Variants in GNAL observed in about 807,000 individuals in gnomAD.
GNAL encodes guanine nucleotide-binding protein G(olf) subunit alpha.
A neutral mutation model predicts 55.1 loss-of-function variants in GNAL; 18 were observed. The ratio of observed to expected loss-of-function variants is 0.33; its 90% CI spans 0.23 to 0.48. GNAL has a LOEUF of 0.48. GNAL is among the 20% of genes least tolerant of loss of function. The probability of loss-of-function intolerance (pLI) is 0.99; values close to 1 mark genes in which losing one functional copy is unlikely to be tolerated. For synonymous variants in GNAL, 253 were observed against 237.0 expected (o/e 1.07, Z -0.62); for missense variants, 412 against 614.1 (o/e 0.67, Z 3.48).
intron 9 of GNAL, among the ~76,000 whole-genome samples, chr18:11,870,526 G>C (rs964112855): frequency 6.7e-6 from 1 of 150,218 alleles, no homozygotes. Flanking sequence ...GTCTCAAAAA[G>C]TAAAAAAAAA....
chr18:11,837,112 C>T (rs987253222), intron 5 of GNAL, among the ~76,000 whole-genome samples: 7 of 152,052 alleles, frequency 4.6e-5, no homozygotes, highest in African/African-American at 1.7e-4. Context: ...TGCCACCACG[C>T]CCAGTTAATT....
intron 4 of GNAL, among the ~76,000 whole-genome samples, chr18:11,821,985 G>A (rs548678606): frequency 7.8e-4 from 119 of 152,376 alleles, no homozygotes; most frequent in African/African-American, 2.7e-3. Context: ...CCGTTTCACG[G>A]GTGCTAAGTA....
At position 11,885,506 on chromosome 18, in the gene GNAL, TC is replaced by T. The variant is rs2037072507; in HGVS notation, c.*4374del. ...GCCCAGGAATGTCATGCTGATTGGT[TC>T]CCGGAAGGGTGTTTGGCAAGGGGCA... On this transcript the variant is annotated 3_prime_UTR_variant, in exon 12 of 12. Coordinates refer to ENST00000334049, the MANE Select transcript of GNAL (RefSeq NM_182978.4). 1.3e-6 allele frequency: 1 copy of T among 748,824 alleles called. No individual in the cohort carries two copies. The highest frequency in any genetic ancestry group is 2.8e-5 in the East Asian group (1 of 35,970). 46.4% of individuals were successfully genotyped at this position (748,824 alleles called of 1,614,324 possible).
chr18:11,696,140 C>T (rs1429639014), intron 1 of GNAL, among the ~76,000 whole-genome samples: 1 of 152,124 alleles, frequency 6.6e-6, no homozygotes, highest in South Asian at 2.1e-4. Context: ...CCTGTGGCAC[C>T]GTGGCTTTCA....
rs1331401308 is a variant in GNAL, at chr18:11,881,796, A to C, written c.*661A>C. ...CTAAACTTTCCCTATACTTAGGCAT[A>C]GTCTTCTTTCTTAGATTCTCTTTGT... On this transcript the variant is annotated 3_prime_UTR_variant, in exon 12 of 12. Coordinates refer to ENST00000334049, the MANE Select transcript of GNAL (RefSeq NM_182978.4). The surrounding 1 kb of genome is among the most constrained non-coding windows in gnomAD (Gnocchi z 4.8). The C allele has an allele frequency of 6.6e-6, 1 of 152,534 alleles. No individual in the cohort carries two copies. The highest frequency in any genetic ancestry group is 6.5e-5 in the Admixed American group (1 of 15,290). The allele number at this position is 152,534 out of a possible 1,614,324, so 9.4% of individuals were successfully genotyped here. A position where few individuals can be genotyped will look rare whatever the true frequency, so the allele number is the denominator to read the frequency against.
At position 11,883,891 on chromosome 18, in the gene GNAL, A is replaced by G. The variant is rs2036807439; in HGVS notation, c.*2756A>G. The G allele has an allele frequency of 6.6e-6, 1 of 152,278 alleles. No individual in the cohort carries two copies. Among genetic ancestry groups the G allele is most frequent in the Non-Finnish European group, 1.5e-5 (1 of 68,152 alleles). 9.4% of individuals were successfully genotyped at this position (152,278 alleles called of 1,614,324 possible). On this transcript the variant is annotated 3_prime_UTR_variant, in exon 12 of 12. Transcript: ENST00000334049. ...TTTCTAGCGGAGACGAGGTTTCACC[A>G]TGTTGGCCAGGCTGGTCTTGAACTC... is the stretch of plus-strand genomic sequence containing the variant.
chr18:11,739,158 T>G (rs1367035681), intron 1 of GNAL, among the ~76,000 whole-genome samples: 3 of 152,224 alleles, frequency 2.0e-5, no homozygotes, highest in African/African-American at 7.2e-5. Flanking sequence ...CATCTGAGGC[T>G]GTTCTCATTA....
At chr18:11,861,872 ACACT>A (rs1161701123) in intron 5 of GNAL, among the ~76,000 whole-genome samples, 5 of 151,982 alleles carry the variant, frequency 3.3e-5, no homozygotes, top group East Asian at 1.9e-4. Context: ...ACATACTCTC[ACACT>A]CACCCTTACA....
chr18:11,860,979 C>T (rs1014375818), intron 5 of GNAL, among the ~76,000 whole-genome samples: 7 of 152,184 alleles, frequency 4.6e-5, no homozygotes, highest in Admixed American at 3.9e-4. Context: ...TGAACCGTTT[C>T]GTCTCCCTCT....
chr18:11,789,181 C>A (rs1032075149), intron 4 of GNAL, among the ~76,000 whole-genome samples: 8 of 151,900 alleles, frequency 5.3e-5, no homozygotes, highest in Non-Finnish European at 8.8e-5. Context: ...CAGTTGAGGC[C>A]CTCAATCACT....
At chr18:11,732,799 AT>A (rs1421543652) in intron 1 of GNAL, among the ~76,000 whole-genome samples, 8 of 152,256 alleles carry the variant, frequency 5.3e-5, no homozygotes, top group Admixed American at 1.3e-4. Flanking sequence ...TAAATGTTAA[AT>A]CAGCAGAACC....
At chr18:11,714,718 G>C (rs2143376734) in intron 1 of GNAL, among the ~76,000 whole-genome samples, 1 of 152,302 alleles carries the variant, frequency 6.6e-6, no homozygotes, top group African/African-American at 2.4e-5. Context: ...TGGGGAGATA[G>C]GTGACCTATC....
chr18:11,774,817 C>T (rs2033733755), intron 4 of GNAL, among the ~76,000 whole-genome samples: 1 of 152,190 alleles, frequency 6.6e-6, no homozygotes, highest in African/African-American at 2.4e-5. Context: ...GTGGTCACTT[C>T]ACCATCCCTC....
At chr18:11,712,077 A>G (rs11874821) in intron 1 of GNAL, among the ~76,000 whole-genome samples, 2,080 of 152,262 alleles carry the variant, frequency 0.014, 48 homozygotes, top group African/African-American at 0.047. Flanking sequence ...GGGAGAAGTC[A>G]TGAGTTTTGC....
At chr18:11,802,909 C>G (rs1323428966) in intron 4 of GNAL, among the ~76,000 whole-genome samples, 2 of 151,990 alleles carry the variant, frequency 1.3e-5, no homozygotes, top group Non-Finnish European at 2.9e-5. Context: ...TCGAGAGGTA[C>G]CCGGGCTGTG....
At chr18:11,729,835 G>T (rs762327325) in intron 1 of GNAL, among the ~76,000 whole-genome samples, 2 of 152,188 alleles carry the variant, frequency 1.3e-5, no homozygotes, top group African/African-American at 4.8e-5. Flanking sequence ...CCCCGAGGCA[G>T]TTGGGTTACA....
intron 5 of GNAL, among the ~76,000 whole-genome samples, chr18:11,843,123 G>A (rs139933858): frequency 7.2e-5 from 11 of 152,134 alleles, no homozygotes; most frequent in African/African-American, 2.7e-4. Context: ...CTTGAGCCCA[G>A]GAGTTTGAGG....
rs1358123036 is a variant in GNAL at position 11,881,882 on chromosome 18, A to G, written c.*747A>G. 6.6e-6 allele frequency: 1 copy of G among 152,616 alleles called. No homozygotes were observed. Among genetic ancestry groups the G allele is most frequent in the African/African-American group, 2.4e-5 (1 of 41,448 alleles). 9.5% of individuals were successfully genotyped at this position (152,616 alleles called of 1,614,324 possible). A position where few individuals can be genotyped will look rare whatever the true frequency, so the allele number is the denominator to read the frequency against. ...ACCACAAAATGTAATATTCTTTTGT[A>G]TAACTACTAAAGAAAAATCCTTGTA... On this transcript the variant is annotated 3_prime_UTR_variant, in exon 12 of 12. Transcript: ENST00000334049. The surrounding 1 kb of genome is among the most constrained non-coding windows in gnomAD (Gnocchi z 4.8).
rs551080972 is a variant in GNAL, at chr18:11,724,896, A to G, written c.377-27957A>G. Among the ~76,000 whole-genome samples, 24 of 152,252 alleles carry G rather than the reference A, an allele frequency of 1.6e-4. 1 individual carries two copies. The highest frequency in any genetic ancestry group is 9.1e-4 in the Admixed American group (14 of 15,306). ...TGGTAGTGCCTTGCTCCAAAATCCT[A>G]GAGACTTGTGCTGCAGTTTGCTTGT... On this transcript the variant is annotated intron_variant, in intron 1 of 11. Coordinates refer to ENST00000334049, the MANE Select transcript of GNAL (RefSeq NM_182978.4).
Sources: allele counts gnomAD v4.1 joint callset (sites outside exome capture counted in the v4.1 genomes callset), GRCh38; gene constraint gnomAD v4.1.1; non-coding constraint Gnocchi (gnomAD v3.1); transcripts MANE v1.5; gene names NCBI Gene and HGNC (gene_info 2026-07-23, HGNC 2026-07-21).